Variants in HS3ST4 observed in about 807,000 individuals in gnomAD.
HS3ST4 encodes the protein heparan sulfate-glucosamine 3-sulfotransferase 4, also known as heparan sulfate glucosamine 3-O-sulfotransferase 4.
Under a neutral mutation model 29.2 loss-of-function variants are expected in HS3ST4, and 17 were observed. That is an observed-to-expected ratio of 0.58 (90% CI 0.40 to 0.87). The LOEUF is 0.87. Ranked by LOEUF, HS3ST4 falls within the 40% of genes least tolerant of loss-of-function variation. The probability of loss-of-function intolerance (pLI) is 0.00; values close to 1 mark genes in which losing one functional copy is unlikely to be tolerated. For missense variants in HS3ST4, 627 were observed against 634.5 expected, an observed-to-expected ratio of 0.99 and a Z score of 0.13; for synonymous variants, 314 against 285.7, an observed-to-expected ratio of 1.10 and a Z score of -1.00.
chr16:25,700,423 C>T (rs1966327132), intron 1 of HS3ST4, among the ~76,000 whole-genome samples: 1 of 152,174 alleles, frequency 6.6e-6, no homozygotes, highest in Admixed American at 6.5e-5. Flanking sequence ...CAGGATTGCT[C>T]CCCAAGACCC....
intron 1 of HS3ST4, among the ~76,000 whole-genome samples, chr16:25,958,561 C>T (rs967351837): frequency 6.6e-6 from 1 of 152,158 alleles, no homozygotes; most frequent in Admixed American, 6.5e-5. Flanking sequence ...GAACTCCTGA[C>T]CTCAGGTGAT....
At chr16:25,811,166 G>T (rs4072585) in intron 1 of HS3ST4, among the ~76,000 whole-genome samples, 30,835 of 151,994 alleles carry the variant, frequency 0.2, 3,608 homozygotes, top group Non-Finnish European at 0.26. Flanking sequence ...AAATGCGTGG[G>T]TTCACTTACA....
At chr16:25,775,093 G>A (rs948317377) in intron 1 of HS3ST4, among the ~76,000 whole-genome samples, 2 of 152,208 alleles carry the variant, frequency 1.3e-5, no homozygotes, top group South Asian at 2.1e-4. Flanking sequence ...TCGTGAACTG[G>A]CAGATTGATC....
chr16:26,020,372 A>G (rs2141746332), intron 1 of HS3ST4, among the ~76,000 whole-genome samples: 1 of 152,328 alleles, frequency 6.6e-6, no homozygotes, highest in Non-Finnish European at 1.5e-5. Flanking sequence ...ACGAAGAGGC[A>G]TTAGTACATT....
chr16:25,756,111 AACACAC>A (rs1008972212), intron 1 of HS3ST4, among the ~76,000 whole-genome samples: 2 of 144,612 alleles, frequency 1.4e-5, no homozygotes, highest in Admixed American at 7.1e-5. Context: ...GTGTTATAGA[AACACAC>A]ACACACACAT....
At chr16:25,779,239 G>A (rs79345568) in intron 1 of HS3ST4, among the ~76,000 whole-genome samples, 133 of 152,312 alleles carry the variant, frequency 8.7e-4, no homozygotes, top group African/African-American at 3.1e-3. Flanking sequence ...AAATCAGGGT[G>A]TTACAGGGAG....
chr16:25,913,453 A>T (rs993229246), intron 1 of HS3ST4, among the ~76,000 whole-genome samples: 1 of 152,186 alleles, frequency 6.6e-6, no homozygotes, highest in South Asian at 2.1e-4. Flanking sequence ...TTGATCTTGG[A>T]CTTCTTGGCC....
At chr16:26,127,099 G>A (rs1899354049) in intron 1 of HS3ST4, among the ~76,000 whole-genome samples, 1 of 151,990 alleles carries the variant, frequency 6.6e-6, no homozygotes, top group African/African-American at 2.4e-5. Flanking sequence ...TCAAACATAA[G>A]ATAATTTCTC....
At chr16:25,762,192 A>T (rs1966792589) in intron 1 of HS3ST4, among the ~76,000 whole-genome samples, 1 of 152,128 alleles carries the variant, frequency 6.6e-6, no homozygotes. Flanking sequence ...TAGCCTCCAG[A>T]CCATGAGAAA....
intron 1 of HS3ST4, among the ~76,000 whole-genome samples, chr16:25,780,321 G>A (rs1307741264): frequency 2.0e-5 from 3 of 152,178 alleles, no homozygotes; most frequent in East Asian, 3.9e-4. Context: ...CTGGTTAGGA[G>A]CATGGTCTTT....
chr16:26,064,995 C>T (rs527374054), intron 1 of HS3ST4, among the ~76,000 whole-genome samples: 2 of 152,270 alleles, frequency 1.3e-5, no homozygotes, highest in Non-Finnish European at 2.9e-5. Context: ...AAAATACATT[C>T]CAGATAGTAT....
chr16:25,714,090 A>G (rs1966435645), intron 1 of HS3ST4, among the ~76,000 whole-genome samples: 1 of 152,162 alleles, frequency 6.6e-6, no homozygotes, highest in Non-Finnish European at 1.5e-5. Context: ...CCATTACAAG[A>G]TGCTATTCAG....
chr16:25,710,214 A>G (rs905456503), intron 1 of HS3ST4, among the ~76,000 whole-genome samples: 7 of 152,212 alleles, frequency 4.6e-5, no homozygotes, highest in African/African-American at 9.6e-5. Flanking sequence ...ACTTAAAAAT[A>G]TATGTATATC....
chr16:25,910,647 CA>C (rs1026963791), intron 1 of HS3ST4, among the ~76,000 whole-genome samples: 105 of 133,794 alleles, frequency 7.8e-4, no homozygotes, highest in Non-Finnish European at 6.8e-4. Flanking sequence ...GACTCTGTCT[CA>C]AAAAAAAAAA....
chr16:26,124,430 G>A (rs1899316255), intron 1 of HS3ST4, among the ~76,000 whole-genome samples: 1 of 151,970 alleles, frequency 6.6e-6, no homozygotes, highest in Non-Finnish European at 1.5e-5. Flanking sequence ...ATTGTATATA[G>A]TTCTGATATA....
chr16:25,916,016 T>C (rs989531842), intron 1 of HS3ST4, among the ~76,000 whole-genome samples: 2 of 152,188 alleles, frequency 1.3e-5, no homozygotes, highest in African/African-American at 2.4e-5. Context: ...GTAAACATCA[T>C]AGTGGTCCTT....
chr16:26,050,986 C>T (rs1898335055), intron 1 of HS3ST4, among the ~76,000 whole-genome samples: 1 of 152,080 alleles, frequency 6.6e-6, no homozygotes, highest in African/African-American at 2.4e-5. Context: ...GAGGGAACCA[C>T]GTGGATAGGA....
intron 1 of HS3ST4, among the ~76,000 whole-genome samples, chr16:25,951,057 C>A (rs1456091782): frequency 6.6e-6 from 1 of 152,208 alleles, no homozygotes; most frequent in Non-Finnish European, 1.5e-5. Flanking sequence ...CCCACTGGGT[C>A]TTGAAATTAA....
At chr16:25,772,436 C>T (rs1356033947) in intron 1 of HS3ST4, among the ~76,000 whole-genome samples, 1 of 152,162 alleles carries the variant, frequency 6.6e-6, no homozygotes, top group Non-Finnish European at 1.5e-5. Flanking sequence ...GGGTAAGTTA[C>T]AGAGCCTCTC....
Sources: gnomAD v4.1 joint callset for allele counts (sites outside exome capture counted in the v4.1 genomes callset) on GRCh38, gnomAD v4.1.1 for gene constraint, MANE v1.5 for transcripts, NCBI Gene and HGNC (gene_info 2026-07-23, HGNC 2026-07-21) for gene names.